Variants in CYFIP2 observed in about 807,000 individuals in gnomAD.
CYFIP2 encodes the protein cytoplasmic FMR1-interacting protein 2.
CYFIP2 carries 29 observed loss-of-function variants against 158.7 expected under a neutral mutation model. That is an observed-to-expected ratio of 0.18 (90% CI 0.14 to 0.25). The LOEUF is 0.25. Ranked by LOEUF, CYFIP2 falls within the 10% of genes least tolerant of loss-of-function variation. CYFIP2 has a pLI of 1.00. For missense variants in CYFIP2, 852 were observed against 1,639.5 expected (o/e 0.52, Z 8.29); for synonymous variants, 585 against 617.6 (o/e 0.95, Z 0.78).
chr5:157,293,317 A>C (rs1485179723), intron 3 of CYFIP2, among the ~76,000 whole-genome samples: 3 of 152,100 alleles, frequency 2.0e-5, no homozygotes, highest in African/African-American at 7.2e-5. Flanking sequence ...CAGCCTTTCA[A>C]AGTGCTAGGA....
intron 2 of CYFIP2, among the ~76,000 whole-genome samples, chr5:157,286,382 A>T (rs1022579123): frequency 6.8e-6 from 1 of 147,208 alleles, no homozygotes; most frequent in South Asian, 2.1e-4. Context: ...ATATACATAT[A>T]TTTTTTTTTT....
chr5:157,361,649 C>A lies in CYFIP2; in HGVS notation c.3039+51C>A. 6.2e-7 allele frequency: 1 copy of A among 1,608,962 alleles called. No individual in the cohort carries two copies. On this transcript the variant is annotated intron_variant, in intron 26 of 30. Coordinates refer to ENST00000620254, the MANE Select transcript of CYFIP2 (RefSeq NM_001037333.3). This position sits in a 1 kb window ranked among gnomAD's most constrained non-coding sequence, Gnocchi z 4.4. ...GGGTGTCTCCAGGTTGGAGGGGATGCCAACCCCAAGCAGATATTGAGGCTC... is the reference window on the plus strand; with the variant it reads ...GGGTGTCTCCAGGTTGGAGGGGATGACAACCCCAAGCAGATATTGAGGCTC...
chr5:157,387,945 C>T (rs1221193224), intron 28 of CYFIP2, among the ~76,000 whole-genome samples: 5 of 152,166 alleles, frequency 3.3e-5, no homozygotes, highest in Non-Finnish European at 5.9e-5. Flanking sequence ...CTCCTGATTT[C>T]CTTCCCTTCA....
intron 21 of CYFIP2, 62 bp from the exon 22 acceptor site, chr5:157,338,995 A>AAC: frequency 6.7e-7 from 1 of 1,490,588 alleles, no homozygotes; most frequent in Non-Finnish European, 9.0e-7. Flanking sequence ...AGTAAGATAA[A>AAC]ACACACACAT....
In CYFIP2 at chr5:157,298,492, C is replaced by T. The variant is rs527973786; in HGVS notation, c.387+1718C>T. Among the ~76,000 whole-genome samples, 51 of 141,766 alleles carry T rather than the reference C, an allele frequency of 3.6e-4. 1 individual carries two copies. Among genetic ancestry groups the T allele is most frequent in the Admixed American group, 2.9e-3 (39 of 13,538 alleles). The allele number at this position is 141,766 out of a possible 152,430, so 93.0% of individuals were successfully genotyped here. A position where few individuals can be genotyped will look rare whatever the true frequency, so the allele number is the denominator to read the frequency against. On this transcript the variant is annotated intron_variant, in intron 5 of 30. Coordinates refer to ENST00000620254, the MANE Select transcript of CYFIP2 (RefSeq NM_001037333.3). ...CCAGGACCACAGGTGTGTGCCACCACGACCAGCTACTTTTGTATTTTTTTT... is the reference window on the plus strand; with the variant it reads ...CCAGGACCACAGGTGTGTGCCACCATGACCAGCTACTTTTGTATTTTTTTT...
rs1171571679 is a variant in CYFIP2, at chr5:157,333,557, TCTCTTTCCCATCTGAATGGAG to T, written c.2385+114_2385+134del. ...GGGCCAGTTAAAGAGGGGCAGTGAG[TCTCTTTCCCATCTGAATGGAG>T]CTGGGAAAGAAAAACTTACACAGAA... On this transcript the variant is annotated intron_variant, in intron 21 of 30. Transcript: ENST00000620254. The T allele has an allele frequency of 3.4e-5, 48 of 1,430,356 alleles. No individual in the cohort carries two copies. The African/African-American group carries it at 6.1e-4, about 18-fold the overall frequency. The allele number at this position is 1,430,356 out of a possible 1,614,324, so 88.6% of individuals were successfully genotyped here.
At chr5:157,378,577 G>A (rs557284593) in intron 26 of CYFIP2, among the ~76,000 whole-genome samples, 5 of 152,282 alleles carry the variant, frequency 3.3e-5, no homozygotes, top group East Asian at 3.9e-4. Flanking sequence ...GAAAAACAAC[G>A]GGTGTCGAAG....
Position 157,269,903 on chromosome 5 carries a change from AGCC to A in CYFIP2, c.-24+3709_-24+3711del, listed in dbSNP as rs1755941771. Reference sequence around the variant, plus strand: ...CAAAGAGCTTAGATATTGGCTTTCTAGCCATGGGCATTATGCTAAGGGCTGTGT... The same window carrying A: ...CAAAGAGCTTAGATATTGGCTTTCTAATGGGCATTATGCTAAGGGCTGTGT... On this transcript the variant is annotated intron_variant, in intron 1 of 30. Transcript: ENST00000620254. 2.6e-5 allele frequency among the ~76,000 whole-genome samples: 4 copies of A among 152,196 alleles called. No homozygotes were observed. The South Asian group carries it at 8.3e-4, about 31-fold the overall frequency.
chr5:157,333,488 C>T lies in CYFIP2; in HGVS notation c.2385+42C>T, dbSNP rs779840964. On this transcript the variant is annotated intron_variant, in intron 21 of 30. Transcript: ENST00000620254. ...GTGTGGGATTTCTGCTCTGTGATTTCTCAGACTAGAAGCCTAGATGGGGAC... is the reference window on the plus strand; with the variant it reads ...GTGTGGGATTTCTGCTCTGTGATTTTTCAGACTAGAAGCCTAGATGGGGAC... 3.7e-6 allele frequency: 6 copies of T among 1,613,492 alleles called. No homozygotes were observed. In the Admixed American group the frequency reaches 1.0e-4, roughly 27 times the overall value.
chr5:157,333,548 G>C, intron 21 of CYFIP2, 102 bp downstream of exon 21: 1 of 1,488,070 alleles, frequency 6.7e-7, no homozygotes, highest in Non-Finnish European at 9.3e-7. Context: ...GTTAAAGAGG[G>C]GCAGTGAGTC....
intron 9 of CYFIP2, 37 bp from the exon 10 acceptor site, chr5:157,309,706 C>T: frequency 6.4e-7 from 1 of 1,563,224 alleles, no homozygotes; most frequent in African/African-American, 1.4e-5. Flanking sequence ...CCAACCCCTC[C>T]TCAGCATCTC....
At chr5:157,295,256 A>G (rs1445219298) in intron 4 of CYFIP2, among the ~76,000 whole-genome samples, 1 of 152,188 alleles carries the variant, frequency 6.6e-6, no homozygotes, top group Non-Finnish European at 1.5e-5. Context: ...CCTGGCATGA[A>G]TATTATTTTG....
intron 21 of CYFIP2, among the ~76,000 whole-genome samples, chr5:157,336,357 C>G (rs552237407): frequency 6.6e-6 from 1 of 152,324 alleles, no homozygotes; most frequent in East Asian, 1.9e-4. Flanking sequence ...TAATTTTGAG[C>G]CAATGTTTAA....
At chr5:157,318,340 TC>T (rs777094992) in intron 13 of CYFIP2, among the ~76,000 whole-genome samples, 1 of 152,218 alleles carries the variant, frequency 6.6e-6, no homozygotes, top group East Asian at 1.9e-4. Context: ...GCCTGCCCAC[TC>T]CTCTGTATTT....
At chr5:157,327,876 C>T (rs1761151276) in intron 18 of CYFIP2, 97 bp from the exon 19 acceptor site, 1 of 1,183,504 alleles carries the variant, frequency 8.4e-7, no homozygotes, top group African/African-American at 1.5e-5. Flanking sequence ...AGAATGCACT[C>T]TGGGCAATCC....
chr5:157,329,338 C>T (rs1761267187), intron 19 of CYFIP2, among the ~76,000 whole-genome samples: 1 of 152,210 alleles, frequency 6.6e-6, no homozygotes, highest in Admixed American at 6.5e-5. Context: ...TACACTGTTC[C>T]ATCATCTATA....
chr5:157,345,430 C>T (rs1417991345), intron 23 of CYFIP2: 2 of 152,538 alleles, frequency 1.3e-5, no homozygotes, highest in African/African-American at 2.4e-5. Flanking sequence ...CCTCTGTTTC[C>T]GTTTCTAAAT....
intron 1 of CYFIP2, among the ~76,000 whole-genome samples, chr5:157,275,270 G>A (rs1165309192): frequency 6.6e-6 from 1 of 152,014 alleles, no homozygotes; most frequent in East Asian, 1.9e-4. Flanking sequence ...GTACTCTTAT[G>A]AGTTTTATAG....
chr5:157,322,556 C>T (rs903965888), intron 15 of CYFIP2, among the ~76,000 whole-genome samples: 5 of 152,208 alleles, frequency 3.3e-5, no homozygotes, highest in South Asian at 2.1e-4. Flanking sequence ...GAGTGCTTCT[C>T]GGCTCCTAGG....
Sources: allele counts gnomAD v4.1 joint callset (sites outside exome capture counted in the v4.1 genomes callset), GRCh38; gene constraint gnomAD v4.1.1; non-coding constraint Gnocchi (gnomAD v3.1); transcripts MANE v1.5; gene names NCBI Gene and HGNC (gene_info 2026-07-23, HGNC 2026-07-21).